KIF14: variants seen among roughly 807,000 people sequenced by gnomAD.
KIF14 encodes the protein kinesin-like protein KIF14.
A neutral mutation model predicts 176.2 loss-of-function variants in KIF14; 98 were observed. The observed-to-expected ratio is 0.56, with a 90% CI of 0.47 to 0.66. The LOEUF (loss-of-function observed/expected upper bound fraction) is 0.66. KIF14 is among the 30% of genes least tolerant of loss of function. The pLI, the probability that KIF14 is intolerant of heterozygous loss-of-function variation, is 0.00. For missense variants in KIF14, 1,751 were observed against 1,920.4 expected (o/e 0.91, Z 1.65); for synonymous variants, 566 against 632.2 (o/e 0.90, Z 1.57).
At chr1:200,587,185 G>A (rs1658796617) in intron 18 of KIF14, among the ~76,000 whole-genome samples, 1 of 152,112 alleles carries the variant, frequency 6.6e-6, no homozygotes, top group Admixed American at 6.6e-5. Context: ...GGACATTGAA[G>A]ACTCAGGGAG....
At position 200,603,870 on chromosome 1, in the gene KIF14, G is replaced by C; in HGVS notation, c.1832C>G (p.Ser611Cys). The change falls in exon 9 of 30, where the codon TCT becomes TGT. Residue 611 changes from serine to cysteine, a missense_variant. Ser to Cys is a moderately radical substitution (Grantham distance 112). Coordinates refer to ENST00000367350, the MANE Select transcript of KIF14 (RefSeq NM_014875.3). Reference sequence around the variant, plus strand: ...TCGATCTCCATTAGTGTGAGCCGTAGAGCAGCGCTCACTGCCTGCCAGATC... The same window carrying C: ...TCGATCTCCATTAGTGTGAGCCGTACAGCAGCGCTCACTGCCTGCCAGATC... The part of the protein sequence containing the change: ...LIDLAGSERC[S>C]TAHTNGDRLK... The C allele has an allele frequency of 6.2e-7, 1 of 1,611,004 alleles. No individual in the cohort carries two copies. Among genetic ancestry groups the C allele is most frequent in the Admixed American group, 1.7e-5 (1 of 60,028 alleles).
intron 18 of KIF14, among the ~76,000 whole-genome samples, chr1:200,588,532 C>T (rs1194904589): frequency 1.3e-5 from 2 of 152,160 alleles, no homozygotes; most frequent in East Asian, 1.9e-4. Context: ...AGCCACCATG[C>T]CCGGCCTAAA....
At chr1:200,593,557 C>A in intron 15 of KIF14, 110 bp downstream of exon 15, 1 of 747,400 alleles carries the variant, frequency 1.3e-6, no homozygotes, top group South Asian at 1.6e-5. Flanking sequence ...TGAAAAAGTC[C>A]TTAATCTGCT....
chr1:200,581,956 G>A lies in KIF14; in HGVS notation c.3242-662C>T, dbSNP rs780970743. Reference sequence around the variant, plus strand: ...AGCTAACTTTCTTATATTTTGTAGAGAGGAGGTTTTGCCATGTTGCTCAGG... The same window carrying A: ...AGCTAACTTTCTTATATTTTGTAGAAAGGAGGTTTTGCCATGTTGCTCAGG... On this transcript the variant is annotated intron_variant, in intron 19 of 29. Coordinates refer to ENST00000367350, the MANE Select transcript of KIF14 (RefSeq NM_014875.3). 6.6e-5 allele frequency among the ~76,000 whole-genome samples: 10 copies of A among 151,748 alleles called. No individual in the cohort carries two copies. In the South Asian group the frequency reaches 1.5e-3, roughly 22 times the overall value.
chr1:200,616,383 T>C (rs1660407411), intron 2 of KIF14, among the ~76,000 whole-genome samples: 2 of 152,220 alleles, frequency 1.3e-5, no homozygotes, highest in Admixed American at 1.3e-4. Flanking sequence ...CTAAGTTCAG[T>C]ATAGTCATCC....
In KIF14 at chr1:200,551,847, T is replaced by C. The variant is rs1656548101; in HGVS notation, c.*1541A>G. 1 of 152,196 alleles carries C rather than the reference T, an allele frequency of 6.6e-6. No homozygotes were observed. Among genetic ancestry groups the C allele is most frequent in the South Asian group, 2.1e-4 (1 of 4,828 alleles). The allele number at this position is 152,196 out of a possible 1,614,324, so 9.4% of individuals were successfully genotyped here. A position where few individuals can be genotyped will look rare whatever the true frequency, so the allele number is the denominator to read the frequency against. Reference sequence around the variant, plus strand: ...AGGCAAAGTGCTACTTGCCAGATTATTGACTAATAAAAACACATATAGAGC... The same window carrying C: ...AGGCAAAGTGCTACTTGCCAGATTACTGACTAATAAAAACACATATAGAGC... On this transcript the variant is annotated 3_prime_UTR_variant, in exon 30 of 30. Coordinates refer to ENST00000367350, the MANE Select transcript of KIF14 (RefSeq NM_014875.3).
chr1:200,604,136 G>A (rs918394931), intron 8 of KIF14, among the ~76,000 whole-genome samples, 181 bp from the exon 9 acceptor site: 6 of 151,866 alleles, frequency 4.0e-5, no homozygotes, highest in African/African-American at 9.7e-5. Flanking sequence ...GCATCATCAC[G>A]GCTCACTGCA....
At chr1:200,600,134 T>C (rs369449928) in intron 12 of KIF14, 21 bp from the exon 13 acceptor site, 3 of 1,550,942 alleles carry the variant, frequency 1.9e-6, no homozygotes, top group African/African-American at 1.4e-5. Flanking sequence ...ACAAAGAAAA[T>C]AACAGAGTTA....
rs1659652903 is a variant in KIF14, at chr1:200,602,033, G to A, written c.2015C>T (p.Thr672Ile). 6.2e-7 allele frequency: 1 copy of A among 1,613,206 alleles called. No homozygotes were observed. Among genetic ancestry groups the A allele is most frequent in the Non-Finnish European group, 8.5e-7 (1 of 1,179,778 alleles). The stretch of plus-strand genomic sequence containing the variant: ...GGGACTAATCGTAGCAATCATTGCA[G>A]TTTTTGAATTTCCACCCAGACTTTC... ...LKESLGGNSK[T>I]AMIATISPAA... The change falls in exon 11 of 30, where the codon ACT becomes ATT. Residue 672 changes from threonine to isoleucine, a missense_variant. Transcript: ENST00000367350.
intron 22 of KIF14, 97 bp downstream of exon 22, chr1:200,575,494 T>C (rs1472630181): frequency 2.2e-5 from 12 of 539,856 alleles, no homozygotes; most frequent in South Asian, 1.1e-4. Flanking sequence ...TCTTTTAAAA[T>C]AGGAAATAAT....
chr1:200,592,061 A>T lies in KIF14; in HGVS notation c.2813+19T>A. ...ATCTCTCTCATACACTTACTATTTC[A>T]TATCAACAGCATACTTACTGTGATC... On this transcript the variant is annotated intron_variant, in intron 16 of 29. Coordinates refer to ENST00000367350, the MANE Select transcript of KIF14 (RefSeq NM_014875.3). 3 of 1,601,556 alleles carry T rather than the reference A, an allele frequency of 1.9e-6. No homozygotes were observed. The highest frequency in any genetic ancestry group is 8.5e-7 in the Non-Finnish European group (1 of 1,173,204).
At position 200,593,647 on chromosome 1, in the gene KIF14, T is replaced by C; in HGVS notation, c.2652+20A>G. 7.1e-7 allele frequency: 1 copy of C among 1,401,500 alleles called. No homozygotes were observed. The highest frequency in any genetic ancestry group is 1.2e-5 in the South Asian group (1 of 86,764). The allele number at this position is 1,401,500 out of a possible 1,614,324, so 86.8% of individuals were successfully genotyped here. A position where few individuals can be genotyped will look rare whatever the true frequency, so the allele number is the denominator to read the frequency against. On this transcript the variant is annotated intron_variant, in intron 15 of 29. Coordinates refer to ENST00000367350, the MANE Select transcript of KIF14 (RefSeq NM_014875.3). Reference sequence around the variant, plus strand: ...TCCAAAGTCGAACAGTTTCTTATATTATAGCACCCATCCACTTACATGACG... The same window carrying C: ...TCCAAAGTCGAACAGTTTCTTATATCATAGCACCCATCCACTTACATGACG...
intron 4 of KIF14, among the ~76,000 whole-genome samples, chr1:200,610,325 TAAAATACAAAAATAC>T (rs1253357175): frequency 6.6e-6 from 1 of 151,564 alleles, no homozygotes; most frequent in Non-Finnish European, 1.5e-5. Flanking sequence ...ACGGTGAAAC[TAAAATACAAAAATAC>T]AAAATACAAA....
At chr1:200,608,088 T>C (rs764864227) in intron 5 of KIF14, among the ~76,000 whole-genome samples, 10 of 152,212 alleles carry the variant, frequency 6.6e-5, no homozygotes, top group East Asian at 1.9e-4. Context: ...AAAAAGATTA[T>C]ATAATTGTGA....
In KIF14 at chr1:200,560,968, C is replaced by A. The variant is rs1384819022; in HGVS notation, c.4072-88G>T. 2.4e-6 allele frequency: 3 copies of A among 1,242,402 alleles called. No individual in the cohort carries two copies. In the Admixed American group the frequency reaches 5.6e-5, roughly 23 times the overall value. The allele number at this position is 1,242,402 out of a possible 1,614,324, so 77.0% of individuals were successfully genotyped here. A position where few individuals can be genotyped will look rare whatever the true frequency, so the allele number is the denominator to read the frequency against. On this transcript the variant is annotated intron_variant, in intron 25 of 29. Transcript: ENST00000367350. ...GATAAGGGCCGGGCACAGCGGCTCA[C>A]GCCTGTAATTCCAGCAGTTTGGGAG...
At chr1:200,614,013 A>T (rs752352606) in intron 4 of KIF14, among the ~76,000 whole-genome samples, 7 of 152,242 alleles carry the variant, frequency 4.6e-5, no homozygotes, top group Non-Finnish European at 8.8e-5. Context: ...CTATCTGACT[A>T]CAAACACACG....
chr1:200,553,982 T>C (rs1204012515), intron 29 of KIF14, among the ~76,000 whole-genome samples: 1 of 152,228 alleles, frequency 6.6e-6, no homozygotes, highest in Non-Finnish European at 1.5e-5. Context: ...GATACATACA[T>C]TAAGTGGGAA....
intron 6 of KIF14, among the ~76,000 whole-genome samples, chr1:200,606,334 A>C (rs963504280): frequency 6.6e-6 from 1 of 152,040 alleles, no homozygotes; most frequent in Non-Finnish European, 1.5e-5. Context: ...AAAGTAAATG[A>C]CTCCTAGCAT....
At chr1:200,606,868 T>A (rs1028804551) in intron 5 of KIF14, 70 bp from the exon 6 acceptor site, 1 of 1,208,314 alleles carries the variant, frequency 8.3e-7, no homozygotes, top group African/African-American at 1.5e-5. Context: ...ATGATCACTT[T>A]TTCTACATCT....
Sources: allele counts gnomAD v4.1 joint callset (sites outside exome capture counted in the v4.1 genomes callset), GRCh38; gene constraint gnomAD v4.1.1; transcripts MANE v1.5; gene names NCBI Gene and HGNC (gene_info 2026-07-23, HGNC 2026-07-21).